TENM4: variants seen among roughly 807,000 people sequenced by gnomAD.
TENM4 encodes the protein teneurin transmembrane protein 4, also known as teneurin-4.
In TENM4, 82 loss-of-function variants were observed where a neutral mutation model predicts 243.3. That is an observed-to-expected ratio of 0.34 (90% CI 0.28 to 0.40). TENM4 has a LOEUF of 0.40. TENM4 is among the 10% of genes least tolerant of loss of function. The pLI, the probability that TENM4 is intolerant of heterozygous loss-of-function variation, is 1.00. For synonymous variants in TENM4, 1,412 were observed against 1,456.3 expected (o/e 0.97, Z 0.69); for missense variants, 3,138 against 3,673.3 (o/e 0.85, Z 3.77).
At chr11:78,962,773 A>C (rs1187153276) in intron 6 of TENM4, among the ~76,000 whole-genome samples, 1 of 152,242 alleles carries the variant, frequency 6.6e-6, no homozygotes, top group East Asian at 1.9e-4. Context: ...TAAGCTGGCC[A>C]TTCTGTGATG....
chr11:79,300,555 C>A (rs1856534398), intron 1 of TENM4, among the ~76,000 whole-genome samples: 1 of 152,188 alleles, frequency 6.6e-6, no homozygotes, highest in Non-Finnish European at 1.5e-5. Context: ...TATCACTTGT[C>A]ATTTTACCAG....
intron 4 of TENM4, among the ~76,000 whole-genome samples, chr11:79,083,264 A>G (rs1860723155): frequency 1.3e-5 from 2 of 152,222 alleles, no homozygotes. Flanking sequence ...AGCCTGTGCC[A>G]TCGCAAGCCT....
At chr11:79,361,324 C>T (rs1435622476) in intron 1 of TENM4, among the ~76,000 whole-genome samples, 1 of 152,212 alleles carries the variant, frequency 6.6e-6, no homozygotes, top group East Asian at 1.9e-4. Flanking sequence ...TCTTACCAGC[C>T]TCAAATACAG....
intron 2 of TENM4, among the ~76,000 whole-genome samples, chr11:79,273,639 C>T (rs928736503): frequency 4.6e-5 from 7 of 152,144 alleles, no homozygotes; most frequent in South Asian, 2.1e-4. Flanking sequence ...ACGGTGGAGC[C>T]GGGCCTGGAA....
intron 1 of TENM4, among the ~76,000 whole-genome samples, chr11:79,396,439 G>T (rs1671704693): frequency 6.6e-6 from 1 of 152,152 alleles, no homozygotes; most frequent in African/African-American, 2.4e-5. Flanking sequence ...GCCATTCAGG[G>T]TTCAGTCCCT....
chr11:78,760,696 C>G (rs1329145486), intron 18 of TENM4, among the ~76,000 whole-genome samples: 1 of 152,112 alleles, frequency 6.6e-6, no homozygotes, highest in Non-Finnish European at 1.5e-5. Flanking sequence ...TGGTTTTGAG[C>G]TCTTTGAATA....
At chr11:79,130,412 G>C (rs765245183) in intron 4 of TENM4, among the ~76,000 whole-genome samples, 4 of 151,972 alleles carry the variant, frequency 2.6e-5, no homozygotes, top group Non-Finnish European at 4.4e-5. Context: ...TGAAAAAGAA[G>C]TCAGGAGGTT....
intron 4 of TENM4, among the ~76,000 whole-genome samples, chr11:79,077,313 T>G (rs192555910): frequency 2.6e-5 from 4 of 152,078 alleles, no homozygotes; most frequent in South Asian, 2.1e-4. Context: ...CAGGCCAAGG[T>G]GGGTCAAAGG....
At chr11:79,283,101 T>C (rs1428123372) in intron 2 of TENM4, among the ~76,000 whole-genome samples, 1 of 152,046 alleles carries the variant, frequency 6.6e-6, no homozygotes, top group African/African-American at 2.4e-5. Context: ...TTAACACAAA[T>C]TCTTTATAAA....
At chr11:78,890,047 G>A (rs1855628722) in intron 8 of TENM4, 27 bp from the exon 9 acceptor site, 5 of 1,505,254 alleles carry the variant, frequency 3.3e-6, no homozygotes, top group African/African-American at 2.8e-5. Context: ...GCAAGAGGGT[G>A]TCAGGGGCTG....
chr11:78,760,602 G>T (rs1030466078), intron 18 of TENM4, among the ~76,000 whole-genome samples: 1 of 152,218 alleles, frequency 6.6e-6, no homozygotes, highest in Non-Finnish European at 1.5e-5. Flanking sequence ...GACCCAGCAT[G>T]TATGCCTGCT....
At chr11:79,058,036 T>C (rs937230100) in intron 6 of TENM4, among the ~76,000 whole-genome samples, 1 of 152,190 alleles carries the variant, frequency 6.6e-6, no homozygotes, top group African/African-American at 2.4e-5. Context: ...TTTTCTAGCA[T>C]GTCATAATTT....
intron 19 of TENM4, among the ~76,000 whole-genome samples, chr11:78,745,232 T>TC (rs1390037007): frequency 1.3e-5 from 2 of 148,454 alleles, no homozygotes; most frequent in African/African-American, 5.1e-5. Flanking sequence ...TTTTTCTTTT[T>TC]TTTTTTTTTT....
At chr11:79,118,253 G>A (rs1015580805) in intron 4 of TENM4, among the ~76,000 whole-genome samples, 1 of 152,222 alleles carries the variant, frequency 6.6e-6, no homozygotes, top group East Asian at 1.9e-4. Flanking sequence ...GTTATGAAAG[G>A]ACTTGGCAAA....
At chr11:78,699,102 C>G (rs750350279) in intron 28 of TENM4, among the ~76,000 whole-genome samples, 9 of 152,256 alleles carry the variant, frequency 5.9e-5, no homozygotes, top group Non-Finnish European at 1.3e-4. Flanking sequence ...TCTGCAATTA[C>G]TGGTACTGCC....
At chr11:79,016,416 GATCACTC>G (rs1007898724) in intron 6 of TENM4, among the ~76,000 whole-genome samples, 1 of 152,158 alleles carries the variant, frequency 6.6e-6, no homozygotes, top group Non-Finnish European at 1.5e-5. Context: ...CGAGTGGGTA[GATCACTC>G]CATTTACTGA....
intron 4 of TENM4, among the ~76,000 whole-genome samples, chr11:79,103,689 G>T (rs1031655407): frequency 1.3e-5 from 2 of 152,166 alleles, no homozygotes; most frequent in African/African-American, 4.8e-5. Context: ...TTTCATAAAT[G>T]TCAAAATGTA....
intron 18 of TENM4, among the ~76,000 whole-genome samples, 190 bp downstream of exon 18, chr11:78,770,802 T>C (rs373523771): frequency 6.6e-6 from 1 of 152,232 alleles, no homozygotes; most frequent in South Asian, 2.1e-4. Flanking sequence ...TAATTTCAAT[T>C]GATTCAAATG....
At chr11:78,985,934 G>A (rs777992958) in intron 6 of TENM4, among the ~76,000 whole-genome samples, 44 of 152,164 alleles carry the variant, frequency 2.9e-4, no homozygotes, top group Non-Finnish European at 5.4e-4. Context: ...ATGCCCTCCC[G>A]TGTGCATTCA....
Sources: gnomAD v4.1 joint callset for allele counts (sites outside exome capture counted in the v4.1 genomes callset) on GRCh38, gnomAD v4.1.1 for gene constraint, MANE v1.5 for transcripts, NCBI Gene and HGNC (gene_info 2026-07-23, HGNC 2026-07-21) for gene names.